Variants in SPATA17 observed in about 807,000 individuals in gnomAD.
The protein encoded by SPATA17 is spermatogenesis-associated protein 17.
A neutral mutation model predicts 62.2 loss-of-function variants in SPATA17; 53 were observed. The ratio of observed to expected loss-of-function variants is 0.85; its 90% CI spans 0.68 to 1.07. SPATA17 has a LOEUF of 1.07. Ranked by LOEUF, SPATA17 falls within the 50% of genes least tolerant of loss-of-function variation. The probability of loss-of-function intolerance (pLI) is 0.00; values close to 1 mark genes in which losing one functional copy is unlikely to be tolerated. For missense variants in SPATA17, 466 were observed against 425.5 expected (o/e 1.10, Z -0.84); for synonymous variants, 146 against 146.8 (o/e 0.99, Z 0.04).
intron 9 of SPATA17, among the ~76,000 whole-genome samples, chr1:217,853,199 A>G (rs956064511): frequency 6.6e-6 from 1 of 152,210 alleles, no homozygotes; most frequent in Non-Finnish European, 1.5e-5. Context: ...TGATGGTAAT[A>G]TGAACATCTA....
intron 8 of SPATA17, among the ~76,000 whole-genome samples, chr1:217,793,338 A>G (rs1052705202): frequency 4.0e-5 from 6 of 148,354 alleles, no homozygotes; most frequent in African/African-American, 1.5e-4. Flanking sequence ...CTCCCGCCTC[A>G]GCCTCCTGAG....
At chr1:217,677,554 A>G (rs926161559) in intron 4 of SPATA17, among the ~76,000 whole-genome samples, 6 of 152,104 alleles carry the variant, frequency 3.9e-5, no homozygotes, top group Non-Finnish European at 5.9e-5. Context: ...TACAGAATGA[A>G]TAACAGTTTT....
intron 9 of SPATA17, among the ~76,000 whole-genome samples, chr1:217,849,590 G>T (rs2103010738): frequency 6.6e-6 from 1 of 152,234 alleles, no homozygotes; most frequent in South Asian, 2.1e-4. Flanking sequence ...TCTGGGAATT[G>T]GTAATTGAGG....
intron 8 of SPATA17, among the ~76,000 whole-genome samples, chr1:217,791,126 G>A (rs1186872581): frequency 2.6e-5 from 4 of 152,114 alleles, no homozygotes; most frequent in African/African-American, 9.7e-5. Context: ...TTATTAATCA[G>A]CAGAGCCTTT....
intron 6 of SPATA17, among the ~76,000 whole-genome samples, chr1:217,743,808 C>T (rs530528785): frequency 2.0e-5 from 3 of 152,146 alleles, no homozygotes; most frequent in South Asian, 4.2e-4. Context: ...GAGGTTTCAC[C>T]GTGTTGGTCA....
At chr1:217,681,872 G>C (rs1214110229) in intron 4 of SPATA17, among the ~76,000 whole-genome samples, 1 of 151,766 alleles carries the variant, frequency 6.6e-6, no homozygotes, top group East Asian at 1.9e-4. Flanking sequence ...AAAAAAAGTA[G>C]GCTTTGGGGA....
At chr1:217,636,127 G>A (rs1360058078) in intron 1 of SPATA17, among the ~76,000 whole-genome samples, 66 of 29,736 alleles carry the variant, frequency 2.2e-3, no homozygotes, top group African/African-American at 9.8e-3. Context: ...ATGAGACTCC[G>A]TCTCAAAAAA....
chr1:217,747,136 T>C (rs1672778092), intron 6 of SPATA17, among the ~76,000 whole-genome samples: 1 of 152,142 alleles, frequency 6.6e-6, no homozygotes. Flanking sequence ...TTGGATAAAG[T>C]AAAATGCAAA....
At chr1:217,820,935 G>A (rs1267326298) in intron 9 of SPATA17, among the ~76,000 whole-genome samples, 1 of 152,062 alleles carries the variant, frequency 6.6e-6, no homozygotes, top group African/African-American at 2.4e-5. Flanking sequence ...CTTCTCGTGA[G>A]GGATTTTGTG....
intron 9 of SPATA17, among the ~76,000 whole-genome samples, chr1:217,821,880 A>T (rs1432145890): frequency 6.6e-6 from 1 of 152,110 alleles, no homozygotes; most frequent in African/African-American, 2.4e-5. Context: ...CTTAGAAATG[A>T]GTTCCTAGAA....
At chr1:217,747,549 G>A (rs1232536381) in intron 6 of SPATA17, among the ~76,000 whole-genome samples, 1 of 151,924 alleles carries the variant, frequency 6.6e-6, no homozygotes, top group Non-Finnish European at 1.5e-5. Flanking sequence ...AATTATACAC[G>A]GCAATAGTTA....
chr1:217,819,429 A>C (rs559056028), intron 9 of SPATA17, among the ~76,000 whole-genome samples: 5 of 151,340 alleles, frequency 3.3e-5, no homozygotes, highest in Admixed American at 6.6e-5. Flanking sequence ...TTCTCTCTCT[A>C]TCTCTCTCTT....
At chr1:217,811,212 T>C (rs1462459620) in intron 9 of SPATA17, among the ~76,000 whole-genome samples, 1 of 151,968 alleles carries the variant, frequency 6.6e-6, no homozygotes, top group Non-Finnish European at 1.5e-5. Flanking sequence ...TTTTGTATTT[T>C]TTGTAGAGAT....
intron 9 of SPATA17, among the ~76,000 whole-genome samples, chr1:217,855,428 G>A (rs897072805): frequency 1.3e-5 from 2 of 152,096 alleles, no homozygotes; most frequent in Admixed American, 6.5e-5. Flanking sequence ...TTATTTAGAT[G>A]ACATGTTTTT....
intron 9 of SPATA17, among the ~76,000 whole-genome samples, chr1:217,807,899 C>T (rs1446867964): frequency 6.6e-6 from 1 of 152,044 alleles, no homozygotes; most frequent in East Asian, 1.9e-4. Flanking sequence ...CTCATACATT[C>T]TTAGTTGAGA....
intron 5 of SPATA17, among the ~76,000 whole-genome samples, chr1:217,724,643 A>G (rs1290258770): frequency 1.3e-5 from 2 of 152,186 alleles, no homozygotes; most frequent in African/African-American, 4.8e-5. Context: ...TAAGAAAAAT[A>G]TCAATTTGTA....
intron 3 of SPATA17, among the ~76,000 whole-genome samples, chr1:217,666,241 T>C (rs927942542): frequency 3.9e-5 from 6 of 152,190 alleles, no homozygotes; most frequent in African/African-American, 7.2e-5. Flanking sequence ...CATTCTTGGA[T>C]ATGTTATTAA....
At chr1:217,821,367 G>A (rs2102997045) in intron 9 of SPATA17, among the ~76,000 whole-genome samples, 1 of 152,200 alleles carries the variant, frequency 6.6e-6, no homozygotes, top group African/African-American at 2.4e-5. Context: ...TAAATGTGAG[G>A]AAGGCTAAGA....
chr1:217,859,526 G>C (rs1358929524), intron 9 of SPATA17, among the ~76,000 whole-genome samples: 1 of 151,960 alleles, frequency 6.6e-6, no homozygotes, highest in Non-Finnish European at 1.5e-5. Context: ...TCCCACCTCA[G>C]CTTCCTAAGT....
Sources: gnomAD v4.1 joint callset for allele counts (sites outside exome capture counted in the v4.1 genomes callset) on GRCh38, gnomAD v4.1.1 for gene constraint, MANE v1.5 for transcripts, NCBI Gene and HGNC (gene_info 2026-07-23, HGNC 2026-07-21) for gene names.